The following RNF150 variants were observed in gnomAD, a reference collection of about 807,000 sequenced individuals.
The protein encoded by RNF150 is ring finger protein 150.
Under a neutral mutation model 39.3 loss-of-function variants are expected in RNF150, and 24 were observed. That is an observed-to-expected ratio of 0.61 (90% CI 0.44 to 0.86). The LOEUF (loss-of-function observed/expected upper bound fraction) is 0.86. Ranked by LOEUF, RNF150 falls within the 40% of genes least tolerant of loss-of-function variation. The pLI is 0.00. For missense variants in RNF150, 502 were observed against 587.8 expected (o/e 0.85, Z 1.51); for synonymous variants, 255 against 227.3 (o/e 1.12, Z -1.10).
chr4:141,190,410 G>C (rs1483014219), intron 1 of RNF150, among the ~76,000 whole-genome samples: 1 of 152,162 alleles, frequency 6.6e-6, no homozygotes, highest in Non-Finnish European at 1.5e-5. Flanking sequence ...GCCATGTTTT[G>C]AGATAGTCAT....
At chr4:141,129,341 A>G (rs1246752393) in intron 1 of RNF150, among the ~76,000 whole-genome samples, 3 of 152,248 alleles carry the variant, frequency 2.0e-5, no homozygotes, top group African/African-American at 7.2e-5. Flanking sequence ...AGATTATGCT[A>G]AATCAAAGAG....
intron 1 of RNF150, among the ~76,000 whole-genome samples, chr4:141,097,617 T>C (rs2111026861): frequency 6.6e-6 from 1 of 152,242 alleles, no homozygotes; most frequent in East Asian, 1.9e-4. Flanking sequence ...TATTGTGCTG[T>C]TTTTCTTAAT....
intron 1 of RNF150, among the ~76,000 whole-genome samples, chr4:141,049,605 T>C (rs142692453): frequency 9.2e-5 from 14 of 152,286 alleles, no homozygotes; most frequent in African/African-American, 3.4e-4. Context: ...CAAAACTTTT[T>C]AATGACAAAA....
intron 2 of RNF150, among the ~76,000 whole-genome samples, chr4:140,949,681 C>CA (rs36074369): frequency 0.088 from 10,587 of 120,822 alleles, 470 homozygotes; most frequent in East Asian, 0.17. Flanking sequence ...ACTACCCCCC[C>CA]CCAAAAAAAA....
intron 1 of RNF150, among the ~76,000 whole-genome samples, chr4:141,117,724 G>C (rs553684371): frequency 2.0e-5 from 3 of 152,310 alleles, no homozygotes; most frequent in Admixed American, 2.0e-4. Context: ...TAACTTTGGG[G>C]TTACAGGGTC....
chr4:141,011,767 T>C (rs1281985383), intron 1 of RNF150, among the ~76,000 whole-genome samples: 1 of 152,214 alleles, frequency 6.6e-6, no homozygotes, highest in Non-Finnish European at 1.5e-5. Context: ...AATTTCTAAG[T>C]CATCACAAAA....
intron 1 of RNF150, among the ~76,000 whole-genome samples, chr4:141,178,825 CTGAGTATGTGTTCTAGAACACATACTAG>C (rs1727859114): frequency 7.0e-6 from 1 of 143,612 alleles, no homozygotes; most frequent in Non-Finnish European, 1.5e-5. Context: ...TCCTGCAAAG[CTGAGTATGTGTTCTAGAACACATACTAG>C]TGTTCTAGGA....
chr4:140,946,870 C>T (rs1288288237), intron 4 of RNF150, among the ~76,000 whole-genome samples: 1 of 152,070 alleles, frequency 6.6e-6, no homozygotes, highest in Non-Finnish European at 1.5e-5. Flanking sequence ...AGGCATAATT[C>T]TATTTTTATT....
chr4:141,181,522 T>G (rs1727908995), intron 1 of RNF150, among the ~76,000 whole-genome samples: 2 of 152,196 alleles, frequency 1.3e-5, no homozygotes, highest in Non-Finnish European at 2.9e-5. Flanking sequence ...GAAAATACCC[T>G]GCAGCTCTGC....
At chr4:141,077,567 TAA>T (rs1271247920) in intron 1 of RNF150, among the ~76,000 whole-genome samples, 2 of 152,226 alleles carry the variant, frequency 1.3e-5, no homozygotes, top group Non-Finnish European at 2.9e-5. Flanking sequence ...GTTTGCAAAT[TAA>T]AAGAGAGAAG....
At chr4:141,123,532 A>C (rs1726667958) in intron 1 of RNF150, among the ~76,000 whole-genome samples, 1 of 152,024 alleles carries the variant, frequency 6.6e-6, no homozygotes, top group Non-Finnish European at 1.5e-5. Context: ...CAAGGCACCA[A>C]ATGTCTACAA....
chr4:141,024,441 C>T (rs1035341694), intron 1 of RNF150, among the ~76,000 whole-genome samples: 3 of 152,138 alleles, frequency 2.0e-5, no homozygotes, highest in Non-Finnish European at 4.4e-5. Flanking sequence ...GTTCTAGTAA[C>T]TCCCAGAAAG....
At chr4:141,007,371 C>T (rs995680754) in intron 1 of RNF150, among the ~76,000 whole-genome samples, 2 of 152,194 alleles carry the variant, frequency 1.3e-5, no homozygotes, top group Non-Finnish European at 2.9e-5. Context: ...TAATCATGCC[C>T]TGTTAGATAT....
At chr4:141,144,122 A>G (rs1231476888) in intron 1 of RNF150, among the ~76,000 whole-genome samples, 3 of 129,560 alleles carry the variant, frequency 2.3e-5, no homozygotes, top group Admixed American at 7.5e-5. Flanking sequence ...TTGCTGGGGG[A>G]AAAAAAACCC....
chr4:140,936,050 GT>G (rs781277897), intron 4 of RNF150, among the ~76,000 whole-genome samples: 96 of 152,144 alleles, frequency 6.3e-4, no homozygotes, highest in Middle Eastern at 6.8e-3. Context: ...ATTCTTTTTT[GT>G]CTAGCTTTTT....
At chr4:141,203,869 GAA>G (rs1011580135) in intron 1 of RNF150, among the ~76,000 whole-genome samples, 1 of 148,156 alleles carries the variant, frequency 6.7e-6, no homozygotes, top group South Asian at 2.1e-4. Context: ...GCACAGTGAA[GAA>G]AAAAAAAAGT....
intron 1 of RNF150, among the ~76,000 whole-genome samples, chr4:141,099,599 A>G (rs1468028404): frequency 2.0e-5 from 3 of 152,186 alleles, no homozygotes; most frequent in Admixed American, 2.0e-4. Flanking sequence ...GGGCTCCTGG[A>G]AAGTTTCTCC....
chr4:140,934,898 T>C (rs1018507447), intron 4 of RNF150, among the ~76,000 whole-genome samples: 2 of 150,050 alleles, frequency 1.3e-5, no homozygotes, highest in Admixed American at 1.3e-4. Context: ...ATCTGTCCTA[T>C]CTATATTACA....
chr4:140,887,690 G>C (rs934405128), intron 6 of RNF150, among the ~76,000 whole-genome samples: 1 of 152,138 alleles, frequency 6.6e-6, no homozygotes, highest in Non-Finnish European at 1.5e-5. Context: ...TAGAGAACAG[G>C]GCTCTGATGG....
Sources: gnomAD v4.1 joint callset for allele counts (sites outside exome capture counted in the v4.1 genomes callset) on GRCh38, gnomAD v4.1.1 for gene constraint, MANE v1.5 for transcripts, NCBI Gene and HGNC (gene_info 2026-07-23, HGNC 2026-07-21) for gene names.